AHNAK2: variants seen among roughly 807,000 people sequenced by gnomAD.
AHNAK2 encodes protein AHNAK2.
Under a neutral mutation model 30.7 loss-of-function variants are expected in AHNAK2, and 18 were observed. The observed-to-expected ratio is 0.59, with a 90% CI of 0.41 to 0.87. The LOEUF (loss-of-function observed/expected upper bound fraction) is 0.87. Ranked by LOEUF, AHNAK2 falls within the 40% of genes least tolerant of loss-of-function variation. The pLI, the probability that AHNAK2 is intolerant of heterozygous loss-of-function variation, is 0.00. For synonymous variants in AHNAK2, 3,590 were observed against 3,073.8 expected, an observed-to-expected ratio of 1.17 and a Z score of -5.56; for missense variants, 8,604 against 7,373.0, an observed-to-expected ratio of 1.17 and a Z score of -6.11.
In AHNAK2 at chr14:104,952,114, G is replaced by A. The variant is rs1898760859; in HGVS notation, c.3337C>T (p.Pro1113Ser). Residue 1113 changes from proline (P) to serine (S), a missense_variant, in exon 7 of 7, where the codon CCC becomes TCC. Pro to Ser is a moderately conservative substitution (Grantham distance 74). Transcript: ENST00000333244. ...TCAGGGGCTGTGACTTCCGCCTTGG[G>A]GCTTTTCAGGTCCAGCTTGGGGCCC... ...VKGPKLDLKS[P>S]KAEVTAPDVE... 1 of 1,612,462 alleles carries A rather than the reference G, an allele frequency of 6.2e-7. No individual in the cohort carries two copies. The highest frequency in any genetic ancestry group is 1.4e-5 in the African/African-American group (1 of 74,068).
chr14:104,943,251 T>C lies in AHNAK2; in HGVS notation c.12200A>G (p.Lys4067Arg), dbSNP rs1427665561. ...GCCCTTAACATCTATCTGGGGGCCC[T>C]TGAGGTCCACTTTGGGCATCTTGAA... ...PSFKMPKVDL[K>R]GPQIDVKGPK... The change falls in exon 7 of 7, where the codon AAG becomes AGG. Residue 4067 changes from lysine to arginine, a missense_variant. Transcript: ENST00000333244. 1 of 1,612,886 alleles carries C rather than the reference T, an allele frequency of 6.2e-7. No individual in the cohort carries two copies.
chr14:104,948,251 G>C lies in AHNAK2; in HGVS notation c.7200C>G (p.His2400Gln). Reference protein sequence around the residue: ...PVPEGAGLKGHLPKLQMPSFK... With the variant: ...PVPEGAGLKGQLPKLQMPSFK... ...AACTGGGCATCTGCAGCTTGGGCAG[G>C]TGCCCTTTGAGGCCGGCTCCCTCCG... The change falls in exon 7 of 7, where the codon CAC becomes CAG. Residue 2400 changes from histidine (H) to glutamine (Q), a missense_variant. Transcript: ENST00000333244. 1 of 1,612,484 alleles carries C rather than the reference G, an allele frequency of 6.2e-7. No individual in the cohort carries two copies. Among genetic ancestry groups the C allele is most frequent in the South Asian group, 1.1e-5 (1 of 91,018 alleles).
In AHNAK2 at chr14:104,950,201, C is replaced by G; in HGVS notation, c.5250G>C (p.Lys1750Asn). The change falls in exon 7 of 7, where the codon AAG becomes AAC. Residue 1750 changes from lysine to asparagine, a missense_variant. Coordinates refer to ENST00000333244, the MANE Select transcript of AHNAK2 (RefSeq NM_138420.4). ...GGCCCTTGAGGGCCACTTTGGGCATCTTCAAACTGGGCATCTGCACCTTGG... is the reference window on the plus strand; with the variant it reads ...GGCCCTTGAGGGCCACTTTGGGCATGTTCAAACTGGGCATCTGCACCTTGG... ...HLPKVQMPSL[K>N]MPKVALKGPQ... The G allele has an allele frequency of 6.3e-7, 1 of 1,586,216 alleles. No individual in the cohort carries two copies.
chr14:104,939,877 T>C lies in AHNAK2; in HGVS notation c.15574A>G (p.Met5192Val). ...TKYSQESWFK[M>V]PKFRMPSLRR... ...AGGCTGGGCATGCGGAACTTGGGCA[T>C]TTTAAACCAGCTTTCCTGCGAGTAC... Residue 5192 changes from methionine to valine, a missense_variant, in exon 7 of 7, where the codon ATG (methionine) becomes GTG (valine). Transcript: ENST00000333244. The C allele has an allele frequency of 1.2e-6, 2 of 1,613,602 alleles. No homozygotes were observed. Among genetic ancestry groups the C allele is most frequent in the Non-Finnish European group, 1.7e-6 (2 of 1,179,816 alleles).
rs1898288271 is a variant in AHNAK2, at chr14:104,946,644, T to A, written c.8807A>T (p.Asp2936Val). The A allele has an allele frequency of 6.2e-7, 1 of 1,612,504 alleles. No homozygotes were observed. Among genetic ancestry groups the A allele is most frequent in the Non-Finnish European group, 8.5e-7 (1 of 1,179,608 alleles). ...CACGCTGGGCAGAGACACCTCCACG[T>A]CGGGGGCCGTCACCTCCGCCTTGGG... ...KGPKAEVTAP[D>V]VEVSLPSVEV... Residue 2936 changes from aspartate to valine, a missense_variant, in exon 7 of 7, where the codon GAC becomes GTC. Coordinates refer to ENST00000333244, the MANE Select transcript of AHNAK2 (RefSeq NM_138420.4).
intron 1 of AHNAK2, among the ~76,000 whole-genome samples, chr14:104,975,665 G>A (rs1899573229): frequency 1.3e-5 from 2 of 152,194 alleles, no homozygotes; most frequent in Admixed American, 1.3e-4. Flanking sequence ...CTGCGTCACT[G>A]TCCCCAGCCT....
chr14:104,953,588 A>C lies in AHNAK2; in HGVS notation c.1863T>G (p.Ala621=), dbSNP rs748750063. 1.3e-5 allele frequency: 21 copies of C among 1,613,632 alleles called. No individual in the cohort carries two copies. The highest frequency in any genetic ancestry group is 1.7e-5 in the Non-Finnish European group (20 of 1,179,854). ...QGREGEATAT[A]DRREQRRTEE... is the part of the protein sequence containing the mutation. Reference sequence around the variant, plus strand: ...CTGTGCGTCTCTGTTCTCTTCTATCAGCTGTTGCTGTGGCCTCTCCTTCCC... The same window carrying C: ...CTGTGCGTCTCTGTTCTCTTCTATCCGCTGTTGCTGTGGCCTCTCCTTCCC... The change falls in exon 7 of 7, where the codon GCT becomes GCG. Residue 621 remains alanine (A), a synonymous_variant. Coordinates refer to ENST00000333244, the MANE Select transcript of AHNAK2 (RefSeq NM_138420.4).
At chr14:104,965,630 G>A (rs542240749) in intron 1 of AHNAK2, among the ~76,000 whole-genome samples, 1 of 152,152 alleles carries the variant, frequency 6.6e-6, no homozygotes, top group Non-Finnish European at 1.5e-5. Flanking sequence ...CCCCATCCCT[G>A]CCCCAGACCC....
chr14:104,970,975 C>T (rs1899457557), intron 1 of AHNAK2, among the ~76,000 whole-genome samples: 1 of 152,156 alleles, frequency 6.6e-6, no homozygotes, highest in Non-Finnish European at 1.5e-5. Flanking sequence ...GGCCAGTGAC[C>T]TTGGGGCCTG....
At position 104,938,030 on chromosome 14, in the gene AHNAK2, T is replaced by A; in HGVS notation, c.*33A>T. The A allele has an allele frequency of 6.3e-7, 1 of 1,582,238 alleles. No homozygotes were observed. Among genetic ancestry groups the A allele is most frequent in the Non-Finnish European group, 8.6e-7 (1 of 1,162,728 alleles). ...AGCCTTTACTTTCCAACTTAGTTTT[T>A]TGCATCTCTCTTGTACTGATGAGCC... On this transcript the variant is annotated 3_prime_UTR_variant, in exon 7 of 7. Coordinates refer to ENST00000333244, the MANE Select transcript of AHNAK2 (RefSeq NM_138420.4).
intron 5 of AHNAK2, 61 bp downstream of exon 5, chr14:104,955,422 C>A (rs900388444): frequency 6.4e-7 from 1 of 1,553,034 alleles, no homozygotes; most frequent in Admixed American, 1.8e-5. Flanking sequence ...ATACCCCCCT[C>A]CAGGTCCCTC....
At chr14:104,970,360 C>T in intron 1 of AHNAK2, 11 of 941,586 alleles carry the variant, frequency 1.2e-5, no homozygotes, top group Non-Finnish European at 1.4e-5. Flanking sequence ...CAGCTCTGTT[C>T]CTCCAGCCCC....
Position 104,943,360 on chromosome 14 carries a change from G to T in AHNAK2, c.12091C>A (p.Gln4031Lys). 1 of 1,612,806 alleles carries T rather than the reference G, an allele frequency of 6.2e-7. No individual in the cohort carries two copies. Among genetic ancestry groups the T allele is most frequent in the Non-Finnish European group, 8.5e-7 (1 of 1,179,520 alleles). ...CCCTCTGGGAGTTTCACGTCCACTTGGCCAGCCTGGACCTCCAGGTCAGCG... is the reference window on the plus strand; with the variant it reads ...CCCTCTGGGAGTTTCACGTCCACTTTGCCAGCCTGGACCTCCAGGTCAGCG... ...PSADLEVQAGQVDVKLPEGPV... is the reference protein window; with the variant it reads ...PSADLEVQAGKVDVKLPEGPV... The change falls in exon 7 of 7, where the codon CAA becomes AAA. Residue 4031 changes from glutamine (Q) to lysine (K), a missense_variant. Gln to Lys is a moderately conservative substitution (Grantham distance 53). Coordinates refer to ENST00000333244, the MANE Select transcript of AHNAK2 (RefSeq NM_138420.4).
intron 1 of AHNAK2, among the ~76,000 whole-genome samples, chr14:104,976,815 G>A (rs1004554670): frequency 1.3e-5 from 2 of 152,180 alleles, no homozygotes; most frequent in African/African-American, 4.8e-5. Context: ...CAGGGAAGCT[G>A]GGGGCAGGGT....
chr14:104,977,657 G>C (rs1268614900), intron 1 of AHNAK2, among the ~76,000 whole-genome samples: 2 of 152,174 alleles, frequency 1.3e-5, no homozygotes, highest in Non-Finnish European at 2.9e-5. Context: ...CCAAAGTGGA[G>C]AGCCCAGACT....
chr14:104,941,001 T>C lies in AHNAK2; in HGVS notation c.14450A>G (p.Gln4817Arg). 1 of 1,613,344 alleles carries C rather than the reference T, an allele frequency of 6.2e-7. No individual in the cohort carries two copies. ...TGTCTTGGGAAGAGGAATATCAGCC[T>C]GAGACCCAGAAGGAATTTCCAGAGC... ...ELALEIPSGS[Q>R]ADIPLPKTEC... Residue 4817 changes from glutamine to arginine, a missense_variant, in exon 7 of 7, where the codon CAG (glutamine) becomes CGG (arginine). By Grantham distance (43) the Gln-to-Arg change is conservative. Coordinates refer to ENST00000333244, the MANE Select transcript of AHNAK2 (RefSeq NM_138420.4).
At position 104,948,543 on chromosome 14, in the gene AHNAK2, T is replaced by A. The variant is rs1898445406; in HGVS notation, c.6908A>T (p.Asp2303Val). 6 of 1,612,080 alleles carry A rather than the reference T, an allele frequency of 3.7e-6. No homozygotes were observed. Among genetic ancestry groups the A allele is most frequent in the Non-Finnish European group, 5.1e-6 (6 of 1,179,632 alleles). Residue 2303 changes from aspartate to valine, a missense_variant, in exon 7 of 7, where the codon GAC becomes GTC. By Grantham distance (152) the Asp-to-Val change is radical (BLOSUM62 -3). Coordinates refer to ENST00000333244, the MANE Select transcript of AHNAK2 (RefSeq NM_138420.4). ...AKLDGARLEG[D>V]MSLADKDVTA... is the part of the protein sequence containing the mutation. Reference sequence around the variant, plus strand: ...CACGTCCTTGTCGGCCAGGGACATGTCCCCCTCCAGCCGCGCACCATCCAG... The same window carrying A: ...CACGTCCTTGTCGGCCAGGGACATGACCCCCTCCAGCCGCGCACCATCCAG...
chr14:104,956,502 C>G (rs558723001), intron 4 of AHNAK2, 86 bp downstream of exon 4: 1 of 1,394,558 alleles, frequency 7.2e-7, no homozygotes, highest in Non-Finnish European at 1.0e-6. Flanking sequence ...TTTGCTCCTC[C>G]CCTGCCTGCT....
intron 1 of AHNAK2, among the ~76,000 whole-genome samples, chr14:104,961,845 C>G (rs969078151): frequency 6.6e-6 from 1 of 151,978 alleles, no homozygotes; most frequent in East Asian, 1.9e-4. Flanking sequence ...TGGTGGCGCA[C>G]ATCTGTATTC....
Sources: allele counts gnomAD v4.1 joint callset (sites outside exome capture counted in the v4.1 genomes callset), GRCh38; gene constraint gnomAD v4.1.1; transcripts MANE v1.5; gene names NCBI Gene and HGNC (gene_info 2026-07-23, HGNC 2026-07-21).